Variants in TXNDC11 observed in about 807,000 individuals in gnomAD.
TXNDC11 encodes thioredoxin domain containing 11.
In TXNDC11, 68 loss-of-function variants were observed where a neutral mutation model predicts 78.0. The observed-to-expected ratio is 0.87, with a 90% CI of 0.72 to 1.07. The LOEUF is 1.07. Ranked by LOEUF, TXNDC11 falls within the 50% of genes least tolerant of loss-of-function variation. The probability of loss-of-function intolerance (pLI) is 0.00; values close to 1 mark genes in which losing one functional copy is unlikely to be tolerated. For missense variants in TXNDC11, 1,389 were observed against 1,221.8 expected (o/e 1.14, Z -2.04); for synonymous variants, 571 against 495.2 (o/e 1.15, Z -2.03).
At chr16:11,738,689 G>C (rs2052300980) in intron 1 of TXNDC11, among the ~76,000 whole-genome samples, 1 of 151,082 alleles carries the variant, frequency 6.6e-6, no homozygotes, top group Non-Finnish European at 1.5e-5. Context: ...ACGTTTTCAA[G>C]AGATCCAAAA....
intron 5 of TXNDC11, 139 bp from the exon 6 acceptor site, chr16:11,700,703 G>A (rs1010632908): frequency 3.5e-6 from 2 of 576,284 alleles, no homozygotes; most frequent in African/African-American, 3.8e-5. Context: ...GGAAGGAAGA[G>A]GCGCTGAGGA....
In TXNDC11 at chr16:11,737,175, G is replaced by A. The variant is rs116696989; in HGVS notation, c.255-942C>T. ...AAAGAAAGTAAAGGAGACCAGGCGTGGTGACTCAGCCTGTAATTCCAGCAC... is the reference window on the plus strand; with the variant it reads ...AAAGAAAGTAAAGGAGACCAGGCGTAGTGACTCAGCCTGTAATTCCAGCAC... On this transcript the variant is annotated intron_variant, in intron 1 of 11. Coordinates refer to ENST00000283033, the MANE Select transcript of TXNDC11 (RefSeq NM_015914.7). Among the ~76,000 whole-genome samples, 677 of 152,218 alleles carry A rather than the reference G, an allele frequency of 4.4e-3. 5 individuals carry two copies. Among genetic ancestry groups the A allele is most frequent in the African/African-American group, 0.016 (646 of 41,522 alleles).
Position 11,679,480 on chromosome 16 carries a change from C to T in TXNDC11, c.2592G>A (p.Glu864=). ...GCTCCTGCAGCTCACGTGTCTTCTG[C>T]TCATAGAGGGCCTGCAGCTGCTCAC... ...AHSEQLQALY[E]QKTRELQELA... Residue 864 remains glutamate, a synonymous_variant, in exon 12 of 12, where the codon GAG becomes GAA. Coordinates refer to ENST00000283033, the MANE Select transcript of TXNDC11 (RefSeq NM_015914.7). This position sits in a 1 kb window ranked among gnomAD's most constrained non-coding sequence, Gnocchi z 4.6. 2 of 1,613,668 alleles carry T rather than the reference C, an allele frequency of 1.2e-6. No individual in the cohort carries two copies. Among genetic ancestry groups the T allele is most frequent in the Non-Finnish European group, 1.7e-6 (2 of 1,180,022 alleles).
At position 11,698,185 on chromosome 16, in the gene TXNDC11, T is replaced by A. The variant is rs145216124; in HGVS notation, c.1047A>T (p.Pro349=). 9.3e-6 allele frequency: 15 copies of A among 1,614,120 alleles called. No homozygotes were observed. The highest frequency in any genetic ancestry group is 1.2e-5 in the Non-Finnish European group (14 of 1,180,042). ...TAAAAGGTATGAACAGAAACAGCGC[T>A]GGTCCTTTCTTCAGCTCGTTATTCA... ...LLLNNELKKG[P]ALFLFIPFNP... The change falls in exon 7 of 12, where the codon CCA becomes CCT. Residue 349 remains proline, a synonymous_variant. Coordinates refer to ENST00000283033, the MANE Select transcript of TXNDC11 (RefSeq NM_015914.7).
intron 4 of TXNDC11, among the ~76,000 whole-genome samples, chr16:11,729,000 A>AAATCAATC (rs57984104): frequency 3.3e-5 from 5 of 151,920 alleles, no homozygotes; most frequent in African/African-American, 9.7e-5. Flanking sequence ...GACCATCTCT[A>AAATCAATC]AATCAATCAA....
intron 6 of TXNDC11, among the ~76,000 whole-genome samples, chr16:11,698,777 G>GCCT (rs2050928404): frequency 6.6e-6 from 1 of 152,226 alleles, no homozygotes; most frequent in Non-Finnish European, 1.5e-5. Flanking sequence ...GCAGCATGGA[G>GCCT]CCTCCGTGCG....
intron 4 of TXNDC11, among the ~76,000 whole-genome samples, chr16:11,730,278 C>CA (rs1476727858): frequency 6.6e-6 from 1 of 152,048 alleles, no homozygotes; most frequent in African/African-American, 2.4e-5. Context: ...CAAGAGAAAC[C>CA]AGGTATCTCA....
chr16:11,688,468 A>C (rs185220695), intron 8 of TXNDC11, 23 bp from the exon 9 acceptor site: 13 of 1,582,238 alleles, frequency 8.2e-6, no homozygotes, highest in Non-Finnish European at 1.0e-5. Context: ...AGAAAATGAG[A>C]TCAACTCTCC....
At chr16:11,683,065 G>A (rs1459838664) in intron 11 of TXNDC11, among the ~76,000 whole-genome samples, 1 of 152,172 alleles carries the variant, frequency 6.6e-6, no homozygotes, top group African/African-American at 2.4e-5. Flanking sequence ...AAAGTCATGT[G>A]AGTGGGTCCC....
At chr16:11,687,403 C>T (rs894630989) in intron 10 of TXNDC11, among the ~76,000 whole-genome samples, 10 of 152,288 alleles carry the variant, frequency 6.6e-5, no homozygotes, top group East Asian at 1.9e-4. Context: ...TACTCAAAAG[C>T]GCACATACAG....
intron 1 of TXNDC11, 136 bp downstream of exon 1, chr16:11,742,341 C>A: frequency 1.5e-6 from 1 of 648,304 alleles, no homozygotes; most frequent in Non-Finnish European, 2.3e-6. Context: ...CCGCAGGTTC[C>A]GGGAGGGGTC....
rs567403554 is a variant in TXNDC11, at chr16:11,728,547, C to T, written c.699+2098G>A. On this transcript the variant is annotated intron_variant, in intron 4 of 11. Transcript: ENST00000283033. Reference sequence around the variant, plus strand: ...GTTGTACATCACTCTAAGTGGGCTGCCAAAAAACTTAATGTAATGTTTTAA... The same window carrying T: ...GTTGTACATCACTCTAAGTGGGCTGTCAAAAAACTTAATGTAATGTTTTAA... Among the ~76,000 whole-genome samples, 7 of 152,188 alleles carry T rather than the reference C, an allele frequency of 4.6e-5. No individual in the cohort carries two copies. In the South Asian group the frequency reaches 1.0e-3, roughly 23 times the overall value.
chr16:11,707,628 T>C (rs2051221550), intron 5 of TXNDC11, among the ~76,000 whole-genome samples: 4 of 151,768 alleles, frequency 2.6e-5, no homozygotes, highest in Admixed American at 2.0e-4. Context: ...TTTATATTTT[T>C]AGTACAGACA....
In TXNDC11 at chr16:11,688,464, T is replaced by C. The variant is rs1466733019; in HGVS notation, c.1901-19A>G. The C allele has an allele frequency of 1.9e-6, 3 of 1,588,192 alleles. No individual in the cohort carries two copies. The Admixed American group carries it at 5.3e-5, about 28-fold the overall frequency. On this transcript the variant is annotated intron_variant, in intron 8 of 11. Coordinates refer to ENST00000283033, the MANE Select transcript of TXNDC11 (RefSeq NM_015914.7). The stretch of plus-strand genomic sequence containing the variant: ...AAAGACTCTAAAAATAAAGAGAAAA[T>C]GAGATCAACTCTCCTCTAGATACAA...
intron 4 of TXNDC11, among the ~76,000 whole-genome samples, chr16:11,724,418 G>A (rs1386023148): frequency 6.6e-6 from 1 of 152,152 alleles, no homozygotes; most frequent in Non-Finnish European, 1.5e-5. Context: ...AAAATTAAAT[G>A]ACTATTGCTC....
At chr16:11,694,097 CTTTTTTTTTT>C (rs535913245) in intron 7 of TXNDC11, among the ~76,000 whole-genome samples, 8 of 85,686 alleles carry the variant, frequency 9.3e-5, no homozygotes, top group East Asian at 3.3e-4. Context: ...TACAGCAATG[CTTTTTTTTTT>C]TTTTTTTTTT....
intron 5 of TXNDC11, among the ~76,000 whole-genome samples, chr16:11,715,521 A>G (rs2051504173): frequency 6.6e-6 from 1 of 151,816 alleles, no homozygotes; most frequent in Admixed American, 6.6e-5. Context: ...TGGTCTATTG[A>G]GCCTGAAGGG....
chr16:11,736,122 T>A lies in TXNDC11; in HGVS notation c.366A>T (p.Arg122=). Residue 122 remains arginine, a synonymous_variant, in exon 2 of 12, where the codon CGA becomes CGT. Coordinates refer to ENST00000283033, the MANE Select transcript of TXNDC11 (RefSeq NM_015914.7). ...QGQLDYAEYV[R]RDSEVVLLFF... Reference sequence around the variant, plus strand: ...AGAGCAGTACCACCTCTGAATCCCGTCGAACGTACTCTGCATAATCCAGCT... The same window carrying A: ...AGAGCAGTACCACCTCTGAATCCCGACGAACGTACTCTGCATAATCCAGCT... The A allele has an allele frequency of 6.2e-7, 1 of 1,614,142 alleles. No homozygotes were observed.
At chr16:11,733,776 G>A (rs1248364154) in intron 3 of TXNDC11, among the ~76,000 whole-genome samples, 2 of 152,206 alleles carry the variant, frequency 1.3e-5, no homozygotes, top group Admixed American at 1.3e-4. Context: ...AAGCAGTTTA[G>A]GAAATAGTAT....
Sources: allele counts gnomAD v4.1 joint callset (sites outside exome capture counted in the v4.1 genomes callset), GRCh38; gene constraint gnomAD v4.1.1; non-coding constraint Gnocchi (gnomAD v3.1); transcripts MANE v1.5; gene names NCBI Gene and HGNC (gene_info 2026-07-23, HGNC 2026-07-21).